FARP1: variants seen among roughly 807,000 people sequenced by gnomAD.
FARP1 encodes the protein FERM, ARH/RhoGEF and pleckstrin domain protein 1.
FARP1 carries 52 observed loss-of-function variants against 128.8 expected under a neutral mutation model. The observed-to-expected ratio is 0.40, with a 90% CI of 0.32 to 0.51. FARP1 has a LOEUF of 0.51. Ranked by LOEUF, FARP1 falls within the 20% of genes least tolerant of loss-of-function variation. The pLI, the probability that FARP1 is intolerant of heterozygous loss-of-function variation, is 0.45. For missense variants in FARP1, 1,333 were observed against 1,367.9 expected, an observed-to-expected ratio of 0.97 and a Z score of 0.40; for synonymous variants, 580 against 551.8, an observed-to-expected ratio of 1.05 and a Z score of -0.72.
chr13:98,161,581 C>T (rs933708034), intron 1 of FARP1, among the ~76,000 whole-genome samples: 1 of 152,038 alleles, frequency 6.6e-6, no homozygotes, highest in African/African-American at 2.4e-5. Context: ...TTCCTGTTGA[C>T]CTTTCTCTGA....
intron 2 of FARP1, among the ~76,000 whole-genome samples, chr13:98,311,131 A>G (rs2139743727): frequency 6.6e-6 from 1 of 152,076 alleles, no homozygotes; most frequent in Middle Eastern, 3.4e-3. Context: ...CAGCAGCACC[A>G]CTCTTGATTG....
In FARP1 at chr13:98,176,091, G is replaced by A. The variant is rs910473874; in HGVS notation, c.-24+32599G>A. 4.5e-6 allele frequency: 6 copies of A among 1,324,250 alleles called. No individual in the cohort carries two copies. In the African/African-American group the frequency reaches 7.3e-5, roughly 16 times the overall value. The allele number at this position is 1,324,250 out of a possible 1,614,324, so 82.0% of individuals were successfully genotyped here. On this transcript the variant is annotated intron_variant, in intron 1 of 26. Coordinates refer to ENST00000319562, the MANE Select transcript of FARP1 (RefSeq NM_005766.4). The surrounding 1 kb of genome is among the most constrained non-coding windows in gnomAD (Gnocchi z 6.2). ...TACATACTCAGGCATGGGATTGCAGGAAGACTGTCATCTCTCTCATCTTAC... is the reference window on the plus strand; with the variant it reads ...TACATACTCAGGCATGGGATTGCAGAAAGACTGTCATCTCTCTCATCTTAC...
At chr13:98,308,937 C>A (rs183399280) in intron 2 of FARP1, among the ~76,000 whole-genome samples, 73 of 152,144 alleles carry the variant, frequency 4.8e-4, no homozygotes, top group African/African-American at 1.6e-3. Flanking sequence ...CTCAGCCCCC[C>A]ACCAAAGTGC....
intron 2 of FARP1, among the ~76,000 whole-genome samples, chr13:98,314,005 T>C (rs573361480): frequency 6.6e-6 from 1 of 152,328 alleles, no homozygotes; most frequent in East Asian, 1.9e-4. Flanking sequence ...TTGCCAAGGC[T>C]GCCCAAGCTA....
At chr13:98,330,036 T>A (rs1887430282) in intron 2 of FARP1, 1 of 152,328 alleles carries the variant, frequency 6.6e-6, no homozygotes, top group Non-Finnish European at 1.5e-5. Flanking sequence ...GGGTCGGCAC[T>A]TTTGAAAGCC....
At chr13:98,301,684 G>A (rs184197777) in intron 2 of FARP1, among the ~76,000 whole-genome samples, 46 of 152,154 alleles carry the variant, frequency 3.0e-4, no homozygotes, top group Admixed American at 1.8e-3. Context: ...TAAACCTTTC[G>A]GGCTTTTGGG....
chr13:98,389,687 C>A, intron 9 of FARP1: 1 of 351,694 alleles, frequency 2.8e-6, no homozygotes, highest in Non-Finnish European at 5.1e-6. Flanking sequence ...TGAAATCTGT[C>A]AAAAAATGGT....
chr13:98,316,615 A>G (rs1886732027), intron 2 of FARP1, among the ~76,000 whole-genome samples: 1 of 152,208 alleles, frequency 6.6e-6, no homozygotes, highest in Non-Finnish European at 1.5e-5. Flanking sequence ...GGGTCTCCCA[A>G]GTCATCTTCA....
intron 2 of FARP1, among the ~76,000 whole-genome samples, chr13:98,220,613 G>C (rs114966946): frequency 1.3e-5 from 2 of 152,080 alleles, no homozygotes; most frequent in South Asian, 4.2e-4. Context: ...AGCCCCATGA[G>C]ATTAAATTTA....
At chr13:98,224,925 G>A (rs1348715444) in intron 2 of FARP1, among the ~76,000 whole-genome samples, 1 of 152,116 alleles carries the variant, frequency 6.6e-6, no homozygotes, top group Non-Finnish European at 1.5e-5. Context: ...TTTACCTCCC[G>A]ACTGATCCTT....
intron 1 of FARP1, among the ~76,000 whole-genome samples, chr13:98,155,770 C>T (rs984742616): frequency 9.9e-5 from 15 of 152,102 alleles, no homozygotes; most frequent in African/African-American, 1.4e-4. Context: ...TCATCTGCTT[C>T]GGCCTCCCAA....
intron 2 of FARP1, among the ~76,000 whole-genome samples, chr13:98,218,249 C>T (rs1358114044): frequency 3.9e-5 from 6 of 152,124 alleles, no homozygotes; most frequent in African/African-American, 1.4e-4. Flanking sequence ...CCAGGCCTCT[C>T]CCAGGCTTGT....
At chr13:98,319,434 C>T (rs898827512) in intron 2 of FARP1, among the ~76,000 whole-genome samples, 9 of 152,318 alleles carry the variant, frequency 5.9e-5, no homozygotes, top group African/African-American at 1.9e-4. Flanking sequence ...TCCTCGCTAA[C>T]ATGGTGAAAC....
intron 18 of FARP1, chr13:98,432,453 TTG>T (rs1892069778): frequency 6.6e-6 from 1 of 152,302 alleles, no homozygotes; most frequent in Non-Finnish European, 1.5e-5. Flanking sequence ...ACGGAAGTCG[TTG>T]TGTCTGGTGT....
Position 98,262,520 on chromosome 13 carries a change from G to A in FARP1, c.171+49107G>A, listed in dbSNP as rs186411159. On this transcript the variant is annotated intron_variant, in intron 2 of 26. Transcript: ENST00000319562. ...AAAGCTGAGGTCATGAAGGAGACTCGCAAAGACTGGCAGTTAAAATGGACA... is the reference window on the plus strand; with the variant it reads ...AAAGCTGAGGTCATGAAGGAGACTCACAAAGACTGGCAGTTAAAATGGACA... Among the ~76,000 whole-genome samples the A allele has an allele frequency of 2.9e-3, 436 of 152,198 alleles. 1 individual carries two copies. The highest frequency in any genetic ancestry group is 0.01 in the African/African-American group (418 of 41,544).
intron 2 of FARP1, among the ~76,000 whole-genome samples, chr13:98,271,124 G>C (rs9517239): frequency 6.6e-6 from 1 of 152,070 alleles, no homozygotes; most frequent in African/African-American, 2.4e-5. Context: ...ATTATTCAAG[G>C]AAATGAAAGA....
intron 2 of FARP1, among the ~76,000 whole-genome samples, chr13:98,261,865 C>T (rs1883897288): frequency 6.6e-6 from 1 of 152,162 alleles, no homozygotes; most frequent in Non-Finnish European, 1.5e-5. Flanking sequence ...GAGGGATCCA[C>T]TCCCATGACC....
intron 1 of FARP1, among the ~76,000 whole-genome samples, chr13:98,204,650 T>A (rs1313745783): frequency 6.6e-6 from 1 of 152,204 alleles, no homozygotes; most frequent in African/African-American, 2.4e-5. Context: ...TTCTTCTGAA[T>A]TCTCACCTGT....
intron 2 of FARP1, among the ~76,000 whole-genome samples, chr13:98,289,759 T>A (rs1365887289): frequency 6.6e-6 from 1 of 152,092 alleles, no homozygotes; most frequent in Non-Finnish European, 1.5e-5. Context: ...TTAAGTCACT[T>A]AGTGTAATCC....
Sources: allele counts gnomAD v4.1 joint callset (sites outside exome capture counted in the v4.1 genomes callset), GRCh38; gene constraint gnomAD v4.1.1; non-coding constraint Gnocchi (gnomAD v3.1); transcripts MANE v1.5; gene names NCBI Gene and HGNC (gene_info 2026-07-23, HGNC 2026-07-21).